The following EPHA3 variants were observed in gnomAD, a reference collection of about 807,000 sequenced individuals.
EPHA3 encodes the protein ephrin type-A receptor 3.
EPHA3 carries 42 observed loss-of-function variants against 107.1 expected under a neutral mutation model. The observed-to-expected ratio is 0.39, with a 90% CI of 0.31 to 0.51. EPHA3 has a LOEUF of 0.51. EPHA3 is among the 20% of genes least tolerant of loss of function. The pLI is 0.78. For synonymous variants in EPHA3, 461 were observed against 424.8 expected (o/e 1.09, Z -1.05); for missense variants, 1,183 against 1,211.2 (o/e 0.98, Z 0.35).
intron 3 of EPHA3, among the ~76,000 whole-genome samples, chr3:89,326,039 T>G (rs895311128): frequency 3.3e-5 from 5 of 151,240 alleles, no homozygotes; most frequent in African/African-American, 1.2e-4. Context: ...TAAATGCTTA[T>G]AGGACACTGG....
chr3:89,458,070 T>G (rs1420146285), intron 15 of EPHA3, among the ~76,000 whole-genome samples: 4 of 100,558 alleles, frequency 4.0e-5, no homozygotes, highest in Non-Finnish European at 1.0e-4. Context: ...GTCAAGAAAC[T>G]AATTTAAATG....
chr3:89,286,619 G>A (rs980298570), intron 3 of EPHA3, among the ~76,000 whole-genome samples: 9 of 152,142 alleles, frequency 5.9e-5, no homozygotes, highest in Admixed American at 1.3e-4. Flanking sequence ...AGAGGAGTCA[G>A]AATAGTTCCA....
intron 3 of EPHA3, among the ~76,000 whole-genome samples, chr3:89,279,314 A>G (rs996629852): frequency 4.6e-5 from 7 of 152,150 alleles, no homozygotes; most frequent in Non-Finnish European, 8.8e-5. Flanking sequence ...TCTGTTTACC[A>G]TTCTAGAAAA....
At position 89,350,811 on chromosome 3, in the gene EPHA3, CTGTT is replaced by C. The variant is rs776064696; in HGVS notation, c.1306+8726_1306+8729del. Among the ~76,000 whole-genome samples, 255 of 151,272 alleles carry C rather than the reference CTGTT, an allele frequency of 1.7e-3. 10 individuals carry two copies. Among genetic ancestry groups the C allele is most frequent in the Non-Finnish European group, 2.8e-3 (189 of 67,546 alleles). On this transcript the variant is annotated intron_variant, in intron 5 of 16. Coordinates refer to ENST00000336596, the MANE Select transcript of EPHA3 (RefSeq NM_005233.6). ...TGGGTTTTTGGTGTGGATGTCCTGT[CTGTT>C]TGTTAGTTTTCCTTCTAACAGACAG...
At chr3:89,179,754 G>T (rs1226160564) in intron 2 of EPHA3, among the ~76,000 whole-genome samples, 2 of 150,706 alleles carry the variant, frequency 1.3e-5, no homozygotes, top group Non-Finnish European at 3.0e-5. Context: ...AACACATAAA[G>T]TCACAAATGC....
intron 2 of EPHA3, among the ~76,000 whole-genome samples, chr3:89,172,990 G>A (rs1705241417): frequency 6.6e-6 from 1 of 151,978 alleles, no homozygotes; most frequent in Admixed American, 6.6e-5. Context: ...AGAAGAAATT[G>A]CAATATTCAA....
intron 2 of EPHA3, among the ~76,000 whole-genome samples, chr3:89,187,624 T>A (rs1705601060): frequency 6.6e-6 from 1 of 152,004 alleles, no homozygotes; most frequent in Admixed American, 6.6e-5. Flanking sequence ...AAAATGTCCC[T>A]CTGTTTTAAA....
At chr3:89,372,934 A>G (rs1708336189) in intron 5 of EPHA3, among the ~76,000 whole-genome samples, 2 of 151,832 alleles carry the variant, frequency 1.3e-5, no homozygotes, top group Admixed American at 1.3e-4. Flanking sequence ...GAACTGCTGC[A>G]TGAAAAAAGT....
Position 89,210,095 on chromosome 3 carries a change from A to G in EPHA3, c.389A>G (p.Asp130Gly). The change falls in exon 3 of 17, where the codon GAT (aspartate) becomes GGT (glycine). Residue 130 changes from aspartate to glycine, a missense_variant. By Grantham distance (94) the Asp-to-Gly change is moderately conservative. Transcript: ENST00000336596. ...FNLYYMESDD[D>G]HGVKFREHQF... is the part of the protein sequence containing the mutation. The stretch of plus-strand genomic sequence containing the variant: ...CTGTACTACATGGAGTCTGATGATG[A>G]TCATGGGGTGAAATTTCGAGAGCAT... 1 of 1,614,052 alleles carries G rather than the reference A, an allele frequency of 6.2e-7. No individual in the cohort carries two copies. Among genetic ancestry groups the G allele is most frequent in the Non-Finnish European group, 8.5e-7 (1 of 1,179,938 alleles).
chr3:89,468,332 A>C lies in EPHA3; in HGVS notation c.2691-4132A>C, dbSNP rs563678179. Among the ~76,000 whole-genome samples, 11 of 152,016 alleles carry C rather than the reference A, an allele frequency of 7.2e-5. No individual in the cohort carries two copies. In the East Asian group the frequency reaches 2.1e-3, roughly 30 times the overall value. On this transcript the variant is annotated intron_variant, in intron 15 of 16. Coordinates refer to ENST00000336596, the MANE Select transcript of EPHA3 (RefSeq NM_005233.6). ...AGTTGGGGTCACTAATCCTTAATCC[A>C]CACGTCCTGTTCTATTTCAATTTGT...
At chr3:89,443,935 A>C (rs975350051) in intron 13 of EPHA3, among the ~76,000 whole-genome samples, 2 of 152,174 alleles carry the variant, frequency 1.3e-5, no homozygotes, top group African/African-American at 4.8e-5. Context: ...AAGCCTCCCA[A>C]AAAGAAAGAC....
chr3:89,279,170 T>C (rs1358831628), intron 3 of EPHA3, among the ~76,000 whole-genome samples: 1 of 152,156 alleles, frequency 6.6e-6, no homozygotes, highest in African/African-American at 2.4e-5. Context: ...CACATAGCTA[T>C]GTCACTGTTC....
intron 3 of EPHA3, among the ~76,000 whole-genome samples, chr3:89,238,347 T>C (rs541743524): frequency 3.3e-5 from 5 of 152,264 alleles, no homozygotes; most frequent in Admixed American, 6.5e-5. Context: ...CAAGTAACAA[T>C]AGAGAATTTG....
chr3:89,388,882 G>A (rs113996698), intron 5 of EPHA3, among the ~76,000 whole-genome samples: 1,653 of 152,182 alleles, frequency 0.011, 27 homozygotes, highest in African/African-American at 0.037. Context: ...GGGAATCAAT[G>A]TTTCATTTGC....
chr3:89,391,528 C>T (rs1219256700), intron 5 of EPHA3, among the ~76,000 whole-genome samples: 1 of 149,374 alleles, frequency 6.7e-6, no homozygotes, highest in African/African-American at 2.5e-5. Context: ...CCCAGGTTCA[C>T]GCCATTCTCC....
At chr3:89,165,830 C>T (rs1705049053) in intron 2 of EPHA3, among the ~76,000 whole-genome samples, 1 of 152,210 alleles carries the variant, frequency 6.6e-6, no homozygotes, top group Non-Finnish European at 1.5e-5. Flanking sequence ...TGTGGCTACA[C>T]TGGCCAACAA....
intron 3 of EPHA3, among the ~76,000 whole-genome samples, chr3:89,299,720 G>C (rs566231677): frequency 1.3e-5 from 2 of 152,068 alleles, no homozygotes; most frequent in African/African-American, 4.8e-5. Flanking sequence ...TCAGAATCCA[G>C]TCTCTTATTA....
chr3:89,480,324 C>T lies in EPHA3; in HGVS notation c.*822C>T, dbSNP rs2107582483. 1 of 233,008 alleles carries T rather than the reference C, an allele frequency of 4.3e-6. No homozygotes were observed. The highest frequency in any genetic ancestry group is 5.6e-5 in the Admixed American group (1 of 17,772). 14.4% of individuals were successfully genotyped at this position (233,008 alleles called of 1,614,324 possible). A position where few individuals can be genotyped will look rare whatever the true frequency, so the allele number is the denominator to read the frequency against. The stretch of plus-strand genomic sequence containing the variant: ...ACATATATTTTTAAAAAATGAAATC[C>T]TTTTCCTGTTCATACACTAACCAAA... On this transcript the variant is annotated 3_prime_UTR_variant, in exon 17 of 17. Coordinates refer to ENST00000336596, the MANE Select transcript of EPHA3 (RefSeq NM_005233.6).
At chr3:89,216,791 A>C (rs1704232548) in intron 3 of EPHA3, among the ~76,000 whole-genome samples, 1 of 152,138 alleles carries the variant, frequency 6.6e-6, no homozygotes, top group Admixed American at 6.5e-5. Flanking sequence ...GATGCAATGT[A>C]ACCATGTTTT....
Sources: allele counts gnomAD v4.1 joint callset (sites outside exome capture counted in the v4.1 genomes callset), GRCh38; gene constraint gnomAD v4.1.1; transcripts MANE v1.5; gene names NCBI Gene and HGNC (gene_info 2026-07-23, HGNC 2026-07-21).